CKMT1A: variants seen among roughly 807,000 people sequenced by gnomAD.
CKMT1A encodes creatine kinase, mitochondrial 1A.
CKMT1A carries 23 observed loss-of-function variants against 21.8 expected under a neutral mutation model. The ratio of observed to expected loss-of-function variants is 1.05; its 90% CI spans 0.76 to 1.49. The LOEUF is 1.49. Among genes scored for constraint, CKMT1A ranks in the 40% most tolerant of loss-of-function variants. The pLI, the probability that CKMT1A is intolerant of heterozygous loss-of-function variation, is 0.00. For synonymous variants in CKMT1A, 67 were observed against 80.4 expected (o/e 0.83, Z 0.89); for missense variants, 154 against 229.4 (o/e 0.67, Z 2.12).
chr15:43,696,439 A>G, intron 6 of CKMT1A, 76 bp downstream of exon 6: 1 of 1,603,032 alleles, frequency 6.2e-7, no homozygotes, highest in Non-Finnish European at 8.5e-7. Flanking sequence ...TAGATTATGT[A>G]ATTTATCAAC....
Position 43,695,867 on chromosome 15 carries a change from G to T in CKMT1A, c.624G>T (p.Arg208Ser). 4.7e-6 allele frequency: 1 copy of T among 211,528 alleles called. No individual in the cohort carries two copies. The highest frequency in any genetic ancestry group is 2.8e-5 in the South Asian group (1 of 35,250). 13.1% of individuals were successfully genotyped at this position (211,528 alleles called of 1,614,324 possible). A position where few individuals can be genotyped will look rare whatever the true frequency, so the allele number is the denominator to read the frequency against. Reference protein sequence around the residue: ...LKGDLAGRYYRLSEMTEAEQQ... With the variant: ...LKGDLAGRYYSLSEMTEAEQQ... ...GTGACCTGGCTGGACGTTACTATAG[G>T]CTCAGTGAGATGACAGAGGCTGAAC... Residue 208 changes from arginine to serine, a missense_variant, in exon 4 of 9, where the codon AGG (arginine) becomes AGT (serine). Coordinates refer to ENST00000413453, the MANE Select transcript of CKMT1A (RefSeq NM_001321926.2).
At chr15:43,697,853 T>C (rs2086472658) in intron 6 of CKMT1A, 161 bp from the exon 7 acceptor site, 2 of 982,118 alleles carry the variant, frequency 2.0e-6, no homozygotes, top group African/African-American at 3.5e-5. Flanking sequence ...ATGAAAACAA[T>C]AACAAACCTT....
chr15:43,698,796 A>T, intron 8 of CKMT1A, 30 bp downstream of exon 8: 1 of 1,613,182 alleles, frequency 6.2e-7, no homozygotes, highest in Non-Finnish European at 8.5e-7. Flanking sequence ...GGATGAGGAG[A>T]GGTATAGGTC....
chr15:43,696,313 G>A lies in CKMT1A; in HGVS notation c.826G>A (p.Gly276Ser), dbSNP rs751708041. 5.0e-6 allele frequency: 8 copies of A among 1,608,378 alleles called. No homozygotes were observed. The highest frequency in any genetic ancestry group is 3.3e-5 in the South Asian group (3 of 90,788). ...DHTRVISMEK[G>S]GNMKRVFERF... ...TACACGGGTGATCTCCATGGAGAAG[G>A]GTGGTAACATGAAGAGAGTGTTTGA... The change falls in exon 6 of 9, where the codon GGT becomes AGT. Residue 276 changes from glycine to serine, a missense_variant. By Grantham distance (56) the Gly-to-Ser change is moderately conservative (BLOSUM62 0). Transcript: ENST00000413453.
At chr15:43,697,255 A>G (rs546054483) in intron 6 of CKMT1A, 18 of 1,228,226 alleles carry the variant, frequency 1.5e-5, no homozygotes, top group Middle Eastern at 2.3e-4. Flanking sequence ...TAAGTGCTTA[A>G]TAAGTGTTAA....
Position 43,696,319 on chromosome 15 carries a change from A to C in CKMT1A, c.832A>C (p.Asn278His), listed in dbSNP as rs566737145. Residue 278 changes from asparagine (N) to histidine (H), a missense_variant, in exon 6 of 9, where the codon AAC becomes CAC. Physicochemically the swap from Asn to His is moderately conservative, Grantham distance 68. Transcript: ENST00000413453. ...GGTGATCTCCATGGAGAAGGGTGGTAACATGAAGAGAGTGTTTGAAAGATT... is the reference window on the plus strand; with the variant it reads ...GGTGATCTCCATGGAGAAGGGTGGTCACATGAAGAGAGTGTTTGAAAGATT... The part of the protein sequence containing the change: ...TRVISMEKGG[N>H]MKRVFERFCR... The C allele has an allele frequency of 2.5e-6, 4 of 1,609,310 alleles. No homozygotes were observed. The African/African-American group carries it at 5.5e-5, about 22-fold the overall frequency.
intron 8 of CKMT1A, 69 bp downstream of exon 8, chr15:43,698,835 A>G (rs2086495621): frequency 1.4e-5 from 23 of 1,606,854 alleles, no homozygotes; most frequent in Non-Finnish European, 2.0e-5. Flanking sequence ...GCAGTGAGTG[A>G]GCCTCCGGGA....
In CKMT1A at chr15:43,699,122, A is replaced by T; in HGVS notation, c.*33A>T. The T allele has an allele frequency of 6.2e-7, 1 of 1,610,950 alleles. No individual in the cohort carries two copies. The highest frequency in any genetic ancestry group is 8.5e-7 in the Non-Finnish European group (1 of 1,179,688). On this transcript the variant is annotated 3_prime_UTR_variant, in exon 9 of 9. Transcript: ENST00000413453. ...TCGCCAGCTGATGACTCAAGATTCC[A>T]AGGAGTTCTGCTCATTCTAATGATG...
chr15:43,699,125 G>A lies in CKMT1A; in HGVS notation c.*36G>A. ...CCAGCTGATGACTCAAGATTCCAAG[G>A]AGTTCTGCTCATTCTAATGATGGCC... On this transcript the variant is annotated 3_prime_UTR_variant, in exon 9 of 9. Coordinates refer to ENST00000413453, the MANE Select transcript of CKMT1A (RefSeq NM_001321926.2). The A allele has an allele frequency of 6.2e-7, 1 of 1,613,368 alleles. No homozygotes were observed. The highest frequency in any genetic ancestry group is 8.5e-7 in the Non-Finnish European group (1 of 1,179,852).
intron 6 of CKMT1A, chr15:43,697,288 T>C (rs1350469445): frequency 8.0e-7 from 1 of 1,253,018 alleles, no homozygotes; most frequent in Non-Finnish European, 1.0e-6. Context: ...AATATTATTC[T>C]GGATGGAAGA....
intron 7 of CKMT1A, 44 bp from the exon 8 acceptor site, chr15:43,698,597 T>A (rs1430141867): frequency 3.8e-6 from 6 of 1,591,246 alleles, no homozygotes; most frequent in Middle Eastern, 1.7e-4. Context: ...AGGACTAGTC[T>A]CTGCCTCTAT....
chr15:43,698,349 A>G (rs925740323), intron 7 of CKMT1A, among the ~76,000 whole-genome samples: 3 of 151,708 alleles, frequency 2.0e-5, no homozygotes, highest in Non-Finnish European at 4.4e-5. Flanking sequence ...GGAGTTCAAG[A>G]CCAGCCTGGG....
At position 43,697,385 on chromosome 15, in the gene CKMT1A, T is replaced by C. The variant is rs1774134409; in HGVS notation, c.877-629T>C. 9.1e-6 allele frequency: 9 copies of C among 984,842 alleles called. No individual in the cohort carries two copies. The African/African-American group carries it at 1.4e-4, about 15-fold the overall frequency. 61.0% of individuals were successfully genotyped at this position (984,842 alleles called of 1,614,324 possible). ...ACAGGATCCCTTTACTCATGTTGGA[T>C]AGTGGTCTTTGTGATCATCACTCTG... On this transcript the variant is annotated intron_variant, in intron 6 of 8. Transcript: ENST00000413453.
Position 43,698,978 on chromosome 15 carries a change from G to A in CKMT1A, c.1143G>A (p.Glu381=). The A allele has an allele frequency of 6.2e-7, 1 of 1,613,616 alleles. No individual in the cohort carries two copies. The highest frequency in any genetic ancestry group is 8.5e-7 in the Non-Finnish European group (1 of 1,179,908). The part of the protein sequence containing the change: ...NLDRLGKSEV[E]LVQLVIDGVN... ...CAAAGATTAGTGTCCTTCAGGTGGA[G>A]CTGGTGCAACTGGTCATCGATGGAG... is the stretch of plus-strand genomic sequence containing the variant. Residue 381 remains glutamate (E), a synonymous_variant, in exon 9 of 9, where the codon GAG becomes GAA. Coordinates refer to ENST00000413453, the MANE Select transcript of CKMT1A (RefSeq NM_001321926.2).
intron 6 of CKMT1A, chr15:43,697,065 G>T: frequency 2.9e-6 from 1 of 342,844 alleles, no homozygotes; most frequent in Non-Finnish European, 5.4e-6. Flanking sequence ...TAGATTCTGA[G>T]AAGTTTCTAC....
chr15:43,697,546 C>A, intron 6 of CKMT1A: 1 of 984,778 alleles, frequency 1.0e-6, no homozygotes, highest in Non-Finnish European at 1.2e-6. Context: ...TCTGCATTCA[C>A]ACAGGTGCTC....
Position 43,696,228 on chromosome 15 carries a change from T to C in CKMT1A, c.753-12T>C. On this transcript the variant is annotated splice_polypyrimidine_tract_variant and intron_variant, in intron 5 of 8. Coordinates refer to ENST00000413453, the MANE Select transcript of CKMT1A (RefSeq NM_001321926.2). ...CCTTGCCTCTTGATCACTGTCCCTC[T>C]CCGGCCCTCAGGCACAACAATGAGA... The C allele has an allele frequency of 6.4e-7, 1 of 1,564,790 alleles. No homozygotes were observed. Among genetic ancestry groups the C allele is most frequent in the Non-Finnish European group, 8.7e-7 (1 of 1,151,720 alleles).
At chr15:43,697,320 A>G (rs2467426) in intron 6 of CKMT1A, 161,936 of 1,270,324 alleles carry the variant, frequency 0.13, 14,651 homozygotes, top group African/African-American at 0.47. Context: ...TGTTCAGCAC[A>G]TAAGATATCC....
chr15:43,696,697 G>A (rs1417259868), intron 6 of CKMT1A: 4 of 326,606 alleles, frequency 1.2e-5, no homozygotes, highest in Middle Eastern at 9.5e-4. Context: ...GAAAACATTC[G>A]AGCTTAGATT....
Sources: gnomAD v4.1 joint callset for allele counts (sites outside exome capture counted in the v4.1 genomes callset) on GRCh38, gnomAD v4.1.1 for gene constraint, MANE v1.5 for transcripts, NCBI Gene and HGNC (gene_info 2026-07-23, HGNC 2026-07-21) for gene names.